Variants in INO80C observed in about 807,000 individuals in gnomAD.
INO80C encodes the protein IES6 homolog.
A neutral mutation model predicts 17.7 loss-of-function variants in INO80C; 17 were observed. That is an observed-to-expected ratio of 0.96 (90% CI 0.66 to 1.44). The LOEUF (loss-of-function observed/expected upper bound fraction) is 1.44. INO80C is among the 40% of genes most tolerant of loss of function. INO80C has a pLI of 0.00. For missense variants in INO80C, 244 were observed against 245.0 expected (o/e 1.00, Z 0.03); for synonymous variants, 96 against 95.8 (o/e 1.00, Z -0.01).
At chr18:35,495,346 C>T (rs749028483) in intron 1 of INO80C, among the ~76,000 whole-genome samples, 40 of 152,196 alleles carry the variant, frequency 2.6e-4, no homozygotes, top group Non-Finnish European at 4.6e-4. Context: ...GCCAGGAGGT[C>T]GAGGCTGCAG....
intron 1 of INO80C, among the ~76,000 whole-genome samples, chr18:35,487,013 T>C (rs2045883719): frequency 6.6e-6 from 1 of 152,136 alleles, no homozygotes; most frequent in African/African-American, 2.4e-5. Context: ...AATAGGCTAT[T>C]TATAGTCTCA....
At chr18:35,491,846 G>A (rs1248943191) in intron 1 of INO80C, among the ~76,000 whole-genome samples, 1 of 152,206 alleles carries the variant, frequency 6.6e-6, no homozygotes, top group Non-Finnish European at 1.5e-5. Flanking sequence ...TAAGAGGAGA[G>A]GAAGGAACGC....
intron 4 of INO80C, among the ~76,000 whole-genome samples, chr18:35,474,297 G>A (rs188743091): frequency 2.2e-3 from 309 of 139,272 alleles, no homozygotes; most frequent in Middle Eastern, 8.8e-3. Context: ...AACCAGACCC[G>A]AATATGATGT....
At chr18:35,471,874 T>C (rs1279830729) in intron 4 of INO80C, among the ~76,000 whole-genome samples, 1 of 151,756 alleles carries the variant, frequency 6.6e-6, no homozygotes, top group Non-Finnish European at 1.5e-5. Flanking sequence ...GTCCTTGTGA[T>C]AGTTTGCTCA....
At chr18:35,493,417 T>C (rs2045950941) in intron 1 of INO80C, among the ~76,000 whole-genome samples, 1 of 152,232 alleles carries the variant, frequency 6.6e-6, no homozygotes, top group African/African-American at 2.4e-5. Flanking sequence ...ATTGTGATTC[T>C]AAGATGATTT....
At chr18:35,482,784 C>T (rs559062464) in intron 1 of INO80C, among the ~76,000 whole-genome samples, 67 of 152,190 alleles carry the variant, frequency 4.4e-4, no homozygotes, top group Non-Finnish European at 7.6e-4. Context: ...CCCTTCCTCC[C>T]ACAGTCCTTA....
intron 3 of INO80C, 76 bp downstream of exon 3, chr18:35,479,219 CACAAT>C: frequency 4.6e-6 from 4 of 870,008 alleles, no homozygotes; most frequent in Non-Finnish European, 7.5e-6. Context: ...ATGATGCAAA[CACAAT>C]ACAATAATGT....
At chr18:35,490,047 G>A (rs2045918350) in intron 1 of INO80C, among the ~76,000 whole-genome samples, 1 of 152,130 alleles carries the variant, frequency 6.6e-6, no homozygotes, top group Non-Finnish European at 1.5e-5. Flanking sequence ...GGCACACCCA[G>A]CTGCGAATGA....
intron 1 of INO80C, 99 bp downstream of exon 1, chr18:35,497,620 G>A: frequency 1.4e-6 from 2 of 1,473,426 alleles, no homozygotes; most frequent in East Asian, 2.6e-5. Flanking sequence ...GAGACCGCAC[G>A]CGCAGCGCCC....
intron 1 of INO80C, among the ~76,000 whole-genome samples, chr18:35,493,730 C>A (rs1386542909): frequency 1.3e-5 from 2 of 152,154 alleles, no homozygotes; most frequent in African/African-American, 2.4e-5. Context: ...TTAAACCCAC[C>A]TTAAGAATCC....
At chr18:35,496,383 T>C (rs767963451) in intron 1 of INO80C, among the ~76,000 whole-genome samples, 2 of 152,196 alleles carry the variant, frequency 1.3e-5, no homozygotes, top group African/African-American at 2.4e-5. Flanking sequence ...ATTCCATTTA[T>C]ATTATGTTCC....
At chr18:35,488,078 T>C (rs1292091819) in intron 1 of INO80C, among the ~76,000 whole-genome samples, 1 of 152,216 alleles carries the variant, frequency 6.6e-6, no homozygotes, top group Non-Finnish European at 1.5e-5. Flanking sequence ...CCCCTGTGGC[T>C]TTGCAGGGTA....
rs184277821 is a variant in INO80C at position 35,496,258 on chromosome 18, T to A, written c.156+1461A>T. On this transcript the variant is annotated intron_variant, in intron 1 of 4. Transcript: ENST00000334598. The stretch of plus-strand genomic sequence containing the variant: ...CCAAAAACTGTAAACGTTCAAATAT[T>A]CATCGGGTGTATGTTTATACAATGC... Among the ~76,000 whole-genome samples, 8 of 152,318 alleles carry A rather than the reference T, an allele frequency of 5.3e-5. No homozygotes were observed. The East Asian group carries it at 1.5e-3, about 29-fold the overall frequency.
chr18:35,497,664 C>T (rs2045998707), intron 1 of INO80C, 55 bp downstream of exon 1: 1 of 1,570,954 alleles, frequency 6.4e-7, no homozygotes, highest in African/African-American at 1.4e-5. Context: ...CGGCTCCGCC[C>T]CGCCAAGTCC....
At chr18:35,472,882 T>A (rs1368919982) in intron 4 of INO80C, among the ~76,000 whole-genome samples, 2 of 152,244 alleles carry the variant, frequency 1.3e-5, no homozygotes, top group Non-Finnish European at 2.9e-5. Context: ...CCTATTTATA[T>A]CCTTTTTGCT....
In INO80C at chr18:35,468,590, C is replaced by G. The variant is rs3088182; in HGVS notation, c.*21G>C. 17 of 1,613,658 alleles carry G rather than the reference C, an allele frequency of 1.1e-5. No homozygotes were observed. In the South Asian group the frequency reaches 1.6e-4, roughly 16 times the overall value. The stretch of plus-strand genomic sequence containing the variant: ...AGTCTGTTTTTGAAACAGCTTTCCA[C>G]TTCATCTCCCTTTCTGGGGCTCAGG... On this transcript the variant is annotated 3_prime_UTR_variant, in exon 5 of 5. Transcript: ENST00000334598.
At chr18:35,496,469 A>G (rs1327805915) in intron 1 of INO80C, among the ~76,000 whole-genome samples, 2 of 152,380 alleles carry the variant, frequency 1.3e-5, no homozygotes, top group African/African-American at 4.8e-5. Flanking sequence ...TACTGACAGG[A>G]AAATGTCACC....
intron 4 of INO80C, among the ~76,000 whole-genome samples, chr18:35,473,182 C>G (rs2045691051): frequency 6.6e-6 from 1 of 152,206 alleles, no homozygotes; most frequent in African/African-American, 2.4e-5. Flanking sequence ...CTCAAAATGA[C>G]ACAGGGAGAG....
At chr18:35,497,395 GCAAATTTCTGAATGACTGACACT>G in intron 1 of INO80C, 2 of 1,094,978 alleles carry the variant, frequency 1.8e-6, no homozygotes, top group Non-Finnish European at 2.2e-6. Context: ...GGGAAGACAC[GCAAATTTCTGAATGACTGACACT>G]CATTAGTCCT....
Sources: gnomAD v4.1 joint callset for allele counts (sites outside exome capture counted in the v4.1 genomes callset) on GRCh38, gnomAD v4.1.1 for gene constraint, MANE v1.5 for transcripts, NCBI Gene and HGNC (gene_info 2026-07-23, HGNC 2026-07-21) for gene names.